The following PLEKHH1 variants were observed in gnomAD, a reference collection of about 807,000 sequenced individuals.
PLEKHH1 encodes pleckstrin homology domain-containing family H member 1.
PLEKHH1 carries 104 observed loss-of-function variants against 160.0 expected under a neutral mutation model. The ratio of observed to expected loss-of-function variants is 0.65; its 90% CI spans 0.55 to 0.76. The LOEUF is 0.76. Ranked by LOEUF, PLEKHH1 falls within the 30% of genes least tolerant of loss-of-function variation. The pLI is 0.00. For synonymous variants in PLEKHH1, 619 were observed against 678.4 expected (o/e 0.91, Z 1.36); for missense variants, 1,427 against 1,724.1 (o/e 0.83, Z 3.05).
rs964749080 is a variant in PLEKHH1, at chr14:67,578,549, G to A, written c.2767G>A (p.Ala923Thr). The change falls in exon 20 of 29, where the codon GCT (alanine) becomes ACT (threonine). Residue 923 changes from alanine (A) to threonine (T), a missense_variant. This residue lies in a region of PLEKHH1 where 436 missense variants were observed against 607.5 expected (regional missense o/e 0.72). Transcript: ENST00000329153. The surrounding 1 kb of genome is among the most constrained non-coding windows in gnomAD (Gnocchi z 5.0). ...TCCCTGGCAGTGCTGGCAGCTCCTC[G>A]CTCTGTGTGCTCCACTTTTCCTGCC... ...YSLMQCWQLL[A>T]LCAPLFLPQH... 6.8e-6 allele frequency: 11 copies of A among 1,610,000 alleles called. No individual in the cohort carries two copies. The African/African-American group carries it at 8.0e-5, about 12-fold the overall frequency.
chr14:67,547,249 G>A (rs1042014960), intron 2 of PLEKHH1, among the ~76,000 whole-genome samples: 2 of 152,152 alleles, frequency 1.3e-5, no homozygotes, highest in African/African-American at 4.8e-5. Flanking sequence ...TGGGGTGGGA[G>A]ACTTAAGAAA....
chr14:67,569,284 G>T, intron 8 of PLEKHH1, 68 bp downstream of exon 8: 1 of 1,154,830 alleles, frequency 8.7e-7, no homozygotes. Flanking sequence ...GCGGGGAGGA[G>T]AAGACTCCAA....
rs758782903 is a variant in PLEKHH1, at chr14:67,583,840, C to T, written c.3526C>T (p.His1176Tyr). 2.5e-6 allele frequency: 4 copies of T among 1,613,486 alleles called. No individual in the cohort carries two copies. The highest frequency in any genetic ancestry group is 3.4e-6 in the Non-Finnish European group (4 of 1,179,654). The change falls in exon 25 of 29, where the codon CAC (histidine) becomes TAC (tyrosine). Residue 1176 changes from histidine (H) to tyrosine (Y), a missense_variant. Coordinates refer to ENST00000329153, the MANE Select transcript of PLEKHH1 (RefSeq NM_020715.3). Reference protein sequence around the residue: ...HLLQQVLDRFHPRRYRHGAPA... With the variant: ...HLLQQVLDRFYPRRYRHGAPA... Reference sequence around the variant, plus strand: ...TCTCCAGCAGGTCCTAGACAGGTTCCACCCCAGGCGCTATAGACATGGGGC... The same window carrying T: ...TCTCCAGCAGGTCCTAGACAGGTTCTACCCCAGGCGCTATAGACATGGGGC...
In PLEKHH1 at chr14:67,579,289, A is replaced by G. The variant is rs568603362; in HGVS notation, c.3005A>G (p.His1002Arg). Reference protein sequence around the residue: ...HHSLPFSIPVHFTNGTYHVVG... With the variant: ...HHSLPFSIPVRFTNGTYHVVG... The stretch of plus-strand genomic sequence containing the variant: ...TCCTTGCCCTTCAGCATCCCCGTGC[A>G]CTTTACCAACGGGACTTACCATGTG... The change falls in exon 21 of 29, where the codon CAC becomes CGC. Residue 1002 changes from histidine (H) to arginine (R), a missense_variant. Transcript: ENST00000329153. 2 of 1,554,976 alleles carry G rather than the reference A, an allele frequency of 1.3e-6. No homozygotes were observed. The highest frequency in any genetic ancestry group is 4.2e-5 in the Admixed American group (2 of 47,820).
Position 67,573,628 on chromosome 14 carries a change from G to A in PLEKHH1, c.1840-173G>A, listed in dbSNP as rs1260066721. Among the ~76,000 whole-genome samples the A allele has an allele frequency of 6.6e-6, 1 of 152,194 alleles. No homozygotes were observed. The highest frequency in any genetic ancestry group is 1.5e-5 in the Non-Finnish European group (1 of 68,038). On this transcript the variant is annotated intron_variant, in intron 12 of 28. Transcript: ENST00000329153. The surrounding 1 kb of genome is among the most constrained non-coding windows in gnomAD (Gnocchi z 4.8). ...AGAAGGACCCATGTTCCTGATTAAG[G>A]TTCCATTTAGCTATAACCAGAATCT...
At chr14:67,577,503 G>A (rs1168459819) in intron 18 of PLEKHH1, 89 bp downstream of exon 18, 3 of 826,398 alleles carry the variant, frequency 3.6e-6, no homozygotes, top group East Asian at 2.7e-5. Context: ...AACCCACAGA[G>A]GGATCTGGAG....
rs1330335249 is a variant in PLEKHH1 at position 67,557,382 on chromosome 14, G to A, written c.303G>A (p.Glu101=). 2.5e-6 allele frequency: 4 copies of A among 1,613,762 alleles called. No individual in the cohort carries two copies. The African/African-American group carries it at 5.3e-5, about 22-fold the overall frequency. ...ELLKAIKGKD[E]LISQLEAQLE... ...TGAAAGCCATAAAGGGCAAAGATGAGCTCATCAGCCAGCTAGAGGCTCAGC... is the reference window on the plus strand; with the variant it reads ...TGAAAGCCATAAAGGGCAAAGATGAACTCATCAGCCAGCTAGAGGCTCAGC... Residue 101 remains glutamate (E), a synonymous_variant, in exon 4 of 29, where the codon GAG becomes GAA. Transcript: ENST00000329153.
At chr14:67,552,543 G>A (rs1216569954) in intron 2 of PLEKHH1, among the ~76,000 whole-genome samples, 6 of 152,148 alleles carry the variant, frequency 3.9e-5, no homozygotes, top group African/African-American at 1.4e-4. Context: ...CGAGGTGGGC[G>A]GATCACGAGG....
At chr14:67,586,678 G>T in intron 28 of PLEKHH1, 1 of 550,530 alleles carries the variant, frequency 1.8e-6, no homozygotes, top group South Asian at 2.0e-5. Flanking sequence ...GTGATTAACT[G>T]GAAACCCTGT....
chr14:67,586,614 G>A, intron 28 of PLEKHH1: 1 of 437,252 alleles, frequency 2.3e-6, no homozygotes, highest in Non-Finnish European at 4.0e-6. Flanking sequence ...GTGTTGACCA[G>A]CAAAAATAAT....
rs201438923 is a variant in PLEKHH1 at position 67,562,027 on chromosome 14, C to T, written c.497C>T (p.Ala166Val). The T allele has an allele frequency of 4.0e-5, 64 of 1,612,620 alleles. No individual in the cohort carries two copies. The highest frequency in any genetic ancestry group is 6.7e-5 in the African/African-American group (5 of 74,972). ...GAGCAGGTGGGATCCCTTCAAGATG[C>T]GCTAGAAGGTAGGCAGGCCAGGGTG... The part of the protein sequence containing the change: ...LVEQVGSLQD[A>V]LEAIQIAPSR... Residue 166 changes from alanine to valine, a missense_variant, in exon 6 of 29, where the codon GCG becomes GTG. Transcript: ENST00000329153.
chr14:67,576,447 T>C lies in PLEKHH1; in HGVS notation c.2405T>C (p.Val802Ala), dbSNP rs1275184187. Residue 802 changes from valine (V) to alanine (A), a missense_variant, in exon 17 of 29, where the codon GTG (valine) becomes GCG (alanine). Physicochemically the swap from Val to Ala is moderately conservative, Grantham distance 64. This residue lies in a region of PLEKHH1 where 436 missense variants were observed against 607.5 expected (regional missense o/e 0.72). Coordinates refer to ENST00000329153, the MANE Select transcript of PLEKHH1 (RefSeq NM_020715.3). This position sits in a 1 kb window ranked among gnomAD's most constrained non-coding sequence, Gnocchi z 4.0. ...TVAAGGSSAK[V>A]GTAYEQLIGK... ...GCTGCAGGTGGCAGCAGTGCCAAGG[T>C]GGGCACTGCCTATGAGCAGCTCATT... 6.2e-7 allele frequency: 1 copy of C among 1,611,136 alleles called. No homozygotes were observed. Among genetic ancestry groups the C allele is most frequent in the Non-Finnish European group, 8.5e-7 (1 of 1,177,368 alleles).
At chr14:67,546,548 G>A (rs984200170) in intron 2 of PLEKHH1, among the ~76,000 whole-genome samples, 1 of 152,024 alleles carries the variant, frequency 6.6e-6, no homozygotes. Context: ...GCGCCACCAC[G>A]CCCAGCTAAT....
rs1364666028 is a variant in PLEKHH1 at position 67,582,771 on chromosome 14, A to C, written c.3426+561A>C. ...AGAATCACTTGTACCTGGGAGGCAG[A>C]GGTTGCAGTGAGCCAAGATCATGCC... On this transcript the variant is annotated intron_variant, in intron 24 of 28. Transcript: ENST00000329153. This position sits in a 1 kb window ranked among gnomAD's most constrained non-coding sequence, Gnocchi z 5.0. Among the ~76,000 whole-genome samples, 1 of 152,244 alleles carries C rather than the reference A, an allele frequency of 6.6e-6. No individual in the cohort carries two copies. Among genetic ancestry groups the C allele is most frequent in the African/African-American group, 2.4e-5 (1 of 41,468 alleles).
intron 8 of PLEKHH1, 57 bp from the exon 9 acceptor site, chr14:67,569,864 C>T (rs2035286783): frequency 2.7e-6 from 3 of 1,126,484 alleles, no homozygotes; most frequent in African/African-American, 3.1e-5. Flanking sequence ...CTGCTTCCCC[C>T]ACACCCCTTC....
chr14:67,567,532 A>G (rs1444997585), intron 7 of PLEKHH1, among the ~76,000 whole-genome samples: 1 of 151,604 alleles, frequency 6.6e-6, no homozygotes, highest in Non-Finnish European at 1.5e-5. Flanking sequence ...GGCTCGATGT[A>G]TCTGCCCTAC....
At position 67,541,981 on chromosome 14, in the gene PLEKHH1, G is replaced by A; in HGVS notation, c.114G>A (p.Leu38=). 1.2e-6 allele frequency: 2 copies of A among 1,605,682 alleles called. No individual in the cohort carries two copies. The highest frequency in any genetic ancestry group is 1.7e-6 in the Non-Finnish European group (2 of 1,176,442). The part of the protein sequence containing the change: ...FRLQASKIRE[L]LADKMQELEQ... ...TACAGGCCAGCAAGATAAGGGAGCT[G>A]CTGGCTGACAAGGTGAGTCCCTCAG... The change falls in exon 2 of 29, where the codon CTG becomes CTA. Residue 38 remains leucine, a synonymous_variant. Transcript: ENST00000329153.
At chr14:67,566,954 A>G (rs2035128144) in intron 7 of PLEKHH1, among the ~76,000 whole-genome samples, 1 of 152,132 alleles carries the variant, frequency 6.6e-6, no homozygotes, top group South Asian at 2.1e-4. Flanking sequence ...GGATTAAGGT[A>G]TTAAGGGGCA....
At chr14:67,586,894 C>T (rs963503836) in intron 28 of PLEKHH1, 180 bp from the exon 29 acceptor site, 2 of 1,529,382 alleles carry the variant, frequency 1.3e-6, no homozygotes, top group Admixed American at 4.0e-5. Context: ...CAGGAGCCCA[C>T]ACCACTGGGC....
Sources: allele counts gnomAD v4.1 joint callset (sites outside exome capture counted in the v4.1 genomes callset), GRCh38; gene constraint gnomAD v4.1.1; regional missense constraint gnomAD v4.1.1; non-coding constraint Gnocchi (gnomAD v3.1); transcripts MANE v1.5; gene names NCBI Gene and HGNC (gene_info 2026-07-23, HGNC 2026-07-21).